ABLIM1: variants seen among roughly 807,000 people sequenced by gnomAD.
ABLIM1 encodes the protein actin-binding LIM protein 1.
Under a neutral mutation model 107.0 loss-of-function variants are expected in ABLIM1, and 40 were observed. The observed-to-expected ratio is 0.37, with a 90% CI of 0.29 to 0.49. The LOEUF (loss-of-function observed/expected upper bound fraction) is 0.49, where lower values mean the gene tolerates loss of function less well. Ranked by LOEUF, ABLIM1 falls within the 20% of genes least tolerant of loss-of-function variation. The pLI, the probability that ABLIM1 is intolerant of heterozygous loss-of-function variation, is 0.97. For missense variants in ABLIM1, 857 were observed against 1,008.5 expected, an observed-to-expected ratio of 0.85 and a Z score of 2.04; for synonymous variants, 357 against 357.3, an observed-to-expected ratio of 1.00 and a Z score of 0.01.
chr10:114,729,552 T>C (rs1037937238), intron 1 of ABLIM1, among the ~76,000 whole-genome samples: 1 of 152,060 alleles, frequency 6.6e-6, no homozygotes. Context: ...TGAATGACCA[T>C]GACTGCCCTA....
chr10:114,688,596 C>T (rs2081000068), upstream of ABLIM1, among the ~76,000 whole-genome samples: 1 of 152,168 alleles, frequency 6.6e-6, no homozygotes, highest in South Asian at 2.1e-4. Flanking sequence ...TTTCTTATAA[C>T]CCTCTAGGAC....
chr10:114,474,698 A>G (rs1237378566), intron 8 of ABLIM1, among the ~76,000 whole-genome samples: 1 of 152,172 alleles, frequency 6.6e-6, no homozygotes, highest in Non-Finnish European at 1.5e-5. Context: ...TTTCAAGAAC[A>G]TAATTTGGAT....
the ABLIM1 span, among the ~76,000 whole-genome samples, chr10:114,784,560 G>A: frequency 1.3e-4 from 19 of 146,014 alleles, no homozygotes; most frequent in Non-Finnish European, 2.4e-4. Context: ...CCAGCTATTC[G>A]GGAGGCTGAG....
At chr10:114,615,436 C>A (rs1336323065) in intron 1 of ABLIM1, 2 of 365,600 alleles carry the variant, frequency 5.5e-6, no homozygotes, top group Non-Finnish European at 1.2e-5. Flanking sequence ...TCTCCCTGAA[C>A]TACCTTGTTA....
At chr10:114,726,489 G>A (rs1016575604) in intron 1 of ABLIM1, among the ~76,000 whole-genome samples, 5 of 151,986 alleles carry the variant, frequency 3.3e-5, no homozygotes, top group African/African-American at 1.2e-4. Flanking sequence ...GGGAGACTGG[G>A]GGGAGATTTT....
chr10:114,535,312 C>CT (rs796670079), intron 6 of ABLIM1, among the ~76,000 whole-genome samples: 227 of 150,052 alleles, frequency 1.5e-3, no homozygotes, highest in Non-Finnish European at 2.7e-3. Context: ...AGAATAGAAT[C>CT]TTTTTTTTTT....
intron 1 of ABLIM1, among the ~76,000 whole-genome samples, chr10:114,666,319 G>A (rs1240386959): frequency 1.3e-5 from 2 of 151,744 alleles, no homozygotes; most frequent in Non-Finnish European, 2.9e-5. Context: ...TATAGCACAA[G>A]TTTATTATTT....
chr10:114,543,659 A>T (rs1168338075), intron 6 of ABLIM1, among the ~76,000 whole-genome samples: 1 of 152,220 alleles, frequency 6.6e-6, no homozygotes, highest in Non-Finnish European at 1.5e-5. Context: ...TAATCACATG[A>T]CACTCCAGCT....
intron 1 of ABLIM1, among the ~76,000 whole-genome samples, chr10:114,755,565 C>G (rs186690833): frequency 6.6e-6 from 1 of 152,204 alleles, no homozygotes; most frequent in African/African-American, 2.4e-5. Flanking sequence ...AAAAGCTCTA[C>G]GCGTTTGTGG....
chr10:114,528,057 C>T (rs529947621), intron 6 of ABLIM1, among the ~76,000 whole-genome samples: 4 of 151,964 alleles, frequency 2.6e-5, no homozygotes, highest in Non-Finnish European at 4.4e-5. Context: ...AGGATGGTCT[C>T]GATCTCTTGA....
At chr10:114,596,177 TTACACTATTCCCACC>T in intron 2 of ABLIM1, among the ~76,000 whole-genome samples, 1 of 152,158 alleles carries the variant, frequency 6.6e-6, no homozygotes, top group African/African-American at 2.4e-5. Flanking sequence ...TGCTACTGCC[TTACACTATTCCCACC>T]TGTGGCTCTC....
rs1030370801 is a variant in ABLIM1 at position 114,714,952 on chromosome 10, T to C, written c.-213+53109A>G. Among the ~76,000 whole-genome samples the C allele has an allele frequency of 4.6e-5, 7 of 152,188 alleles. No homozygotes were observed. In the South Asian group the frequency reaches 6.2e-4, roughly 14 times the overall value. The stretch of plus-strand genomic sequence containing the variant: ...CCCATTCCATCTCCCTATTATGCCA[T>C]GAAGGCAAGAGTGACTCCAATGTCA... On this transcript the variant is annotated intron_variant, in intron 1 of 15. Coordinates refer to the ABLIM1 transcript ENST00000651092.
intron 8 of ABLIM1, among the ~76,000 whole-genome samples, chr10:114,480,693 A>G (rs1392143489): frequency 1.3e-5 from 2 of 152,212 alleles, no homozygotes; most frequent in African/African-American, 4.8e-5. Flanking sequence ...ATTTTGGCAA[A>G]AGGAAGAAAG....
the ABLIM1 span, among the ~76,000 whole-genome samples, chr10:114,801,291 A>C: frequency 3.3e-5 from 5 of 152,330 alleles, no homozygotes; most frequent in East Asian, 7.7e-4. Context: ...TAAGGAAAAG[A>C]AAATATATTT....
chr10:114,537,871 G>A (rs1399303789), intron 6 of ABLIM1, among the ~76,000 whole-genome samples: 1 of 152,158 alleles, frequency 6.6e-6, no homozygotes, highest in East Asian at 1.9e-4. Flanking sequence ...GCATGGACAC[G>A]GGTTATTATT....
intron 1 of ABLIM1, among the ~76,000 whole-genome samples, chr10:114,746,919 G>A (rs2082397432): frequency 6.6e-6 from 1 of 152,042 alleles, no homozygotes; most frequent in African/African-American, 2.4e-5. Context: ...TGCTTATAGA[G>A]TTATTTGAGG....
intron 1 of ABLIM1, among the ~76,000 whole-genome samples, chr10:114,736,118 C>T (rs7073698): frequency 0.01 from 1,578 of 152,282 alleles, 23 homozygotes; most frequent in African/African-American, 0.035. Context: ...GAGATTTAGA[C>T]AGGTGGTGAT....
At chr10:114,468,332 T>G (rs554011586) in intron 10 of ABLIM1, 116 bp from the exon 11 acceptor site, 2 of 967,640 alleles carry the variant, frequency 2.1e-6, no homozygotes, top group East Asian at 5.1e-5. Context: ...TGGAGTGCAG[T>G]GGCGCAATCT....
chr10:114,568,835 G>C (rs1445647913), intron 4 of ABLIM1, among the ~76,000 whole-genome samples: 2 of 152,172 alleles, frequency 1.3e-5, no homozygotes, highest in Non-Finnish European at 2.9e-5. Flanking sequence ...ATGGCTTTGA[G>C]TTAGATTATA....
Sources: allele counts gnomAD v4.1 joint callset (sites outside exome capture counted in the v4.1 genomes callset), GRCh38; gene constraint gnomAD v4.1.1; transcripts MANE v1.5; gene names NCBI Gene and HGNC (gene_info 2026-07-23, HGNC 2026-07-21).